The following IPCEF1 variants were observed in gnomAD, a reference collection of about 807,000 sequenced individuals.
IPCEF1 encodes the protein interactor protein for cytohesin exchange factors 1.
In IPCEF1, 31 loss-of-function variants were observed where a neutral mutation model predicts 50.9. That is an observed-to-expected ratio of 0.61 (90% CI 0.46 to 0.82). IPCEF1 has a LOEUF of 0.82. Ranked by LOEUF, IPCEF1 falls within the 40% of genes least tolerant of loss-of-function variation. The pLI, the probability that IPCEF1 is intolerant of heterozygous loss-of-function variation, is 0.00. For missense variants in IPCEF1, 458 were observed against 514.0 expected (o/e 0.89, Z 1.05); for synonymous variants, 181 against 192.0 (o/e 0.94, Z 0.47).
chr6:154,217,137 G>T, intron 7 of IPCEF1: 1 of 165,266 alleles, frequency 6.1e-6, no homozygotes, highest in East Asian at 1.6e-4. Context: ...GGAGTTGGTA[G>T]GTATGCACAG....
chr6:154,247,568 T>A, intron 3 of IPCEF1, 80 bp from the exon 4 acceptor site: 1 of 1,175,582 alleles, frequency 8.5e-7, no homozygotes, highest in Non-Finnish European at 1.3e-6. Flanking sequence ...AGGGAGGAGG[T>A]GGCAGTGTTT....
chr6:154,212,144 C>G (rs1778013031), intron 9 of IPCEF1, among the ~76,000 whole-genome samples: 1 of 152,146 alleles, frequency 6.6e-6, no homozygotes, highest in African/African-American at 2.4e-5. Flanking sequence ...TTGTATGACC[C>G]TTCCTCGGGG....
chr6:154,285,031 T>G (rs1330170022), intron 2 of IPCEF1, among the ~76,000 whole-genome samples: 1 of 152,124 alleles, frequency 6.6e-6, no homozygotes, highest in East Asian at 1.9e-4. Flanking sequence ...TCAGAGTTAC[T>G]CGAGAGTTAA....
intron 1 of IPCEF1, among the ~76,000 whole-genome samples, chr6:154,307,699 G>A (rs1782971309): frequency 6.6e-6 from 1 of 152,162 alleles, no homozygotes; most frequent in Non-Finnish European, 1.5e-5. Context: ...AATTTATTTA[G>A]ATTTCGACTT....
chr6:154,167,731 G>A (rs9479771), intron 11 of IPCEF1, among the ~76,000 whole-genome samples, 189 bp downstream of exon 11: 9,429 of 152,170 alleles, frequency 0.062, 359 homozygotes, highest in African/African-American at 0.087. Flanking sequence ...TGCCTTGGGC[G>A]CTACTGTGTG....
chr6:154,324,868 T>G (rs1487136197), intron 1 of IPCEF1, among the ~76,000 whole-genome samples: 2 of 128,348 alleles, frequency 1.6e-5, no homozygotes, highest in African/African-American at 2.7e-5. Flanking sequence ...TGTGACTACA[T>G]AAAATACGTT....
intron 9 of IPCEF1, among the ~76,000 whole-genome samples, chr6:154,205,355 G>A (rs1471282152): frequency 1.3e-5 from 2 of 152,124 alleles, no homozygotes; most frequent in South Asian, 2.1e-4. Context: ...AGCACTTTGG[G>A]AGGCCAAAAC....
At chr6:154,334,069 A>G (rs954908810) in intron 1 of IPCEF1, among the ~76,000 whole-genome samples, 2 of 152,214 alleles carry the variant, frequency 1.3e-5, no homozygotes, top group African/African-American at 4.8e-5. Context: ...GGCAGCTAAC[A>G]TTTAGAGGTC....
At chr6:154,202,688 A>C (rs1777167331) in intron 9 of IPCEF1, among the ~76,000 whole-genome samples, 1 of 152,126 alleles carries the variant, frequency 6.6e-6, no homozygotes, top group Non-Finnish European at 1.5e-5. Context: ...GAACCTCAAA[A>C]CTCTGCTTAA....
chr6:154,329,374 T>G (rs745765198), intron 1 of IPCEF1, among the ~76,000 whole-genome samples: 9 of 152,046 alleles, frequency 5.9e-5, no homozygotes, highest in Non-Finnish European at 1.2e-4. Context: ...AGCAGGAAGA[T>G]CACTTGAGCT....
At chr6:154,212,431 T>G (rs1778038795) in intron 9 of IPCEF1, among the ~76,000 whole-genome samples, 1 of 152,212 alleles carries the variant, frequency 6.6e-6, no homozygotes, top group South Asian at 2.1e-4. Context: ...AGGCAAGGCA[T>G]TTAAATTCTT....
At chr6:154,212,999 C>G (rs1778091577) in intron 8 of IPCEF1, 144 bp from the exon 9 acceptor site, 1 of 647,156 alleles carries the variant, frequency 1.5e-6, no homozygotes, top group East Asian at 2.7e-5. Context: ...CTGGTAACTA[C>G]CTGGTGCAAA....
chr6:154,301,433 T>C (rs1472081769), intron 1 of IPCEF1, among the ~76,000 whole-genome samples: 1 of 152,208 alleles, frequency 6.6e-6, no homozygotes, highest in Non-Finnish European at 1.5e-5. Flanking sequence ...TAGCATGGTG[T>C]TTTGTTAAAT....
chr6:154,343,173 A>G (rs1314170336), intron 1 of IPCEF1, among the ~76,000 whole-genome samples: 1 of 152,188 alleles, frequency 6.6e-6, no homozygotes, highest in African/African-American at 2.4e-5. Flanking sequence ...AGTTTTTCCC[A>G]GAAACGCCCT....
At chr6:154,180,414 A>ATATATATTT (rs1241250621) in intron 10 of IPCEF1, among the ~76,000 whole-genome samples, 19 of 65,264 alleles carry the variant, frequency 2.9e-4, no homozygotes, top group African/African-American at 7.7e-4. Flanking sequence ...ATATATATAT[A>ATATATATTT]TTTTTTTTTT....
chr6:154,265,340 G>C (rs2128654876), intron 3 of IPCEF1, among the ~76,000 whole-genome samples: 1 of 151,882 alleles, frequency 6.6e-6, no homozygotes, highest in East Asian at 1.9e-4. Context: ...GAGTGCAGTG[G>C]CGCGATCTCG....
intron 1 of IPCEF1, among the ~76,000 whole-genome samples, chr6:154,290,275 T>C (rs1782480135): frequency 6.6e-6 from 1 of 152,102 alleles, no homozygotes; most frequent in Non-Finnish European, 1.5e-5. Context: ...GCAAACACAC[T>C]GAGCATGCTC....
At chr6:154,311,511 C>T (rs1305888774) in intron 1 of IPCEF1, among the ~76,000 whole-genome samples, 1 of 152,138 alleles carries the variant, frequency 6.6e-6, no homozygotes, top group Non-Finnish European at 1.5e-5. Context: ...TCCAGTTGAC[C>T]ACTGGCCATG....
intron 1 of IPCEF1, among the ~76,000 whole-genome samples, chr6:154,354,812 G>A (rs1784187454): frequency 6.6e-6 from 1 of 152,110 alleles, no homozygotes; most frequent in Non-Finnish European, 1.5e-5. Context: ...TAAAGTGCCT[G>A]AGTAACAGAG....
Sources: gnomAD v4.1 joint callset for allele counts (sites outside exome capture counted in the v4.1 genomes callset) on GRCh38, gnomAD v4.1.1 for gene constraint, MANE v1.5 for transcripts, NCBI Gene and HGNC (gene_info 2026-07-23, HGNC 2026-07-21) for gene names.